The following ITGB5 variants were observed in gnomAD, a reference collection of about 807,000 sequenced individuals.
ITGB5 encodes integrin beta-5.
In ITGB5, 38 loss-of-function variants were observed where a neutral mutation model predicts 84.8. The ratio of observed to expected loss-of-function variants is 0.45; its 90% CI spans 0.35 to 0.59. ITGB5 has a LOEUF of 0.59. Ranked by LOEUF, ITGB5 falls within the 20% of genes least tolerant of loss-of-function variation. The pLI is 0.01. For synonymous variants in ITGB5, 393 were observed against 414.4 expected, an observed-to-expected ratio of 0.95 and a Z score of 0.63; for missense variants, 905 against 1,034.5, an observed-to-expected ratio of 0.87 and a Z score of 1.72.
At chr3:124,800,449 T>C (rs2064298920) in intron 9 of ITGB5, among the ~76,000 whole-genome samples, 1 of 152,180 alleles carries the variant, frequency 6.6e-6, no homozygotes, top group Non-Finnish European at 1.5e-5. Context: ...GTTCTGGCAC[T>C]CAATCACCAG....
intron 3 of ITGB5, among the ~76,000 whole-genome samples, chr3:124,854,690 A>G (rs1454726305): frequency 6.6e-6 from 1 of 152,192 alleles, no homozygotes; most frequent in Non-Finnish European, 1.5e-5. Flanking sequence ...AGTGGTGTTG[A>G]CTGTACAACC....
intron 11 of ITGB5, chr3:124,770,165 G>A (rs1455606817): frequency 1.3e-5 from 2 of 152,258 alleles, no homozygotes; most frequent in Non-Finnish European, 2.9e-5. Flanking sequence ...TCTGGTGGCT[G>A]GGGGATGGGG....
intron 8 of ITGB5, among the ~76,000 whole-genome samples, chr3:124,815,330 C>T (rs1474449872): frequency 1.3e-5 from 2 of 152,220 alleles, no homozygotes; most frequent in Non-Finnish European, 2.9e-5. Context: ...GGGCCTGGGC[C>T]TTCACCAGCC....
At chr3:124,790,723 T>G (rs1337635396) in intron 10 of ITGB5, among the ~76,000 whole-genome samples, 1 of 152,140 alleles carries the variant, frequency 6.6e-6, no homozygotes, top group Non-Finnish European at 1.5e-5. Context: ...TTTTTTTTTT[T>G]GTTTGGGAGA....
chr3:124,813,749 C>T (rs2064541703), intron 8 of ITGB5, among the ~76,000 whole-genome samples: 1 of 152,192 alleles, frequency 6.6e-6, no homozygotes, highest in Non-Finnish European at 1.5e-5. Flanking sequence ...CAAGGCCCTC[C>T]AAATCCAGGC....
intron 4 of ITGB5, 130 bp downstream of exon 4, chr3:124,848,179 C>G: frequency 6.0e-6 from 6 of 997,800 alleles, no homozygotes; most frequent in Non-Finnish European, 9.0e-6. Context: ...TATCATTAAT[C>G]AAATTAAACG....
At chr3:124,801,762 C>A (rs553446822) in intron 9 of ITGB5, among the ~76,000 whole-genome samples, 1 of 152,246 alleles carries the variant, frequency 6.6e-6, no homozygotes, top group East Asian at 1.9e-4. Context: ...ACCCACTTGC[C>A]AAACAATGGC....
chr3:124,765,177 G>C (rs2063749082), intron 13 of ITGB5, among the ~76,000 whole-genome samples: 1 of 152,206 alleles, frequency 6.6e-6, no homozygotes. Context: ...CGATTGAAGA[G>C]AGCAAATCTT....
chr3:124,810,687 G>A (rs2064485696), intron 8 of ITGB5, among the ~76,000 whole-genome samples: 1 of 152,086 alleles, frequency 6.6e-6, no homozygotes, highest in Non-Finnish European at 1.5e-5. Flanking sequence ...GCCAAATGAA[G>A]TAAGTAGCTT....
At chr3:124,875,967 T>C (rs1342280813) in intron 1 of ITGB5, among the ~76,000 whole-genome samples, 1 of 151,912 alleles carries the variant, frequency 6.6e-6, no homozygotes, top group African/African-American at 2.4e-5. Context: ...GAGAGTAAAA[T>C]GGTGGTTGCC....
chr3:124,768,346 C>G (rs2063795335), intron 12 of ITGB5, among the ~76,000 whole-genome samples: 2 of 152,208 alleles, frequency 1.3e-5, no homozygotes, highest in Non-Finnish European at 2.9e-5. Flanking sequence ...TGTAACCATT[C>G]CCACTAATTC....
chr3:124,841,483 A>G lies in ITGB5; in HGVS notation c.680T>C (p.Val227Ala). 1 of 1,614,122 alleles carries G rather than the reference A, an allele frequency of 6.2e-7. No individual in the cohort carries two copies. The highest frequency in any genetic ancestry group is 8.5e-7 in the Non-Finnish European group (1 of 1,180,016). ...CCGAACTTCCTCATTGAAGCTGTCCACTCTGTCTGTGAGAGGCAGCAGATG... is the reference window on the plus strand; with the variant it reads ...CCGAACTTCCTCATTGAAGCTGTCCGCTCTGTCTGTGAGAGGCAGCAGATG... ...FRHLLPLTDRVDSFNEEVRKQ... is the reference protein window; with the variant it reads ...FRHLLPLTDRADSFNEEVRKQ... Residue 227 changes from valine to alanine, a missense_variant, in exon 5 of 15, where the codon GTG (valine) becomes GCG (alanine). This residue lies in a region of ITGB5 where 656 missense variants were observed against 734.7 expected (regional missense o/e 0.89). Transcript: ENST00000296181.
chr3:124,882,292 A>G (rs1464451032), intron 1 of ITGB5, among the ~76,000 whole-genome samples: 1 of 152,254 alleles, frequency 6.6e-6, no homozygotes, highest in African/African-American at 2.4e-5. Flanking sequence ...ATATGTAGTT[A>G]CATTAGATGG....
At chr3:124,866,363 C>A (rs1223872312) in intron 2 of ITGB5, among the ~76,000 whole-genome samples, 2 of 152,212 alleles carry the variant, frequency 1.3e-5, no homozygotes, top group African/African-American at 4.8e-5. Flanking sequence ...TGTCCAGCAT[C>A]ACAGCCAGTG....
intron 5 of ITGB5, among the ~76,000 whole-genome samples, chr3:124,824,254 G>C (rs545774476): frequency 6.6e-6 from 1 of 151,880 alleles, no homozygotes. Context: ...TAGATCAGTG[G>C]ACTGGGATAG....
intron 5 of ITGB5, among the ~76,000 whole-genome samples, chr3:124,833,521 T>C (rs1265334575): frequency 6.6e-6 from 1 of 152,252 alleles, no homozygotes; most frequent in Non-Finnish European, 1.5e-5. Flanking sequence ...TGAGCATTTA[T>C]TGGACAGCCA....
upstream of ITGB5, among the ~76,000 whole-genome samples, chr3:124,888,667 G>A (rs984428153): frequency 1.3e-5 from 2 of 152,218 alleles, no homozygotes; most frequent in African/African-American, 4.8e-5. Flanking sequence ...GGGGTTAACT[G>A]CTGGAGGAAG....
In ITGB5 at chr3:124,790,857, A is replaced by T. The variant is rs115811366; in HGVS notation, c.1693+5531T>A. 4.6e-3 allele frequency among the ~76,000 whole-genome samples: 702 copies of T among 152,278 alleles called. 9 individuals are homozygous for T. Among genetic ancestry groups the T allele is most frequent in the African/African-American group, 0.016 (659 of 41,566 alleles). On this transcript the variant is annotated intron_variant, in intron 10 of 14. Coordinates refer to ENST00000296181, the MANE Select transcript of ITGB5 (RefSeq NM_002213.5). ...GACCTTACTCAGAGGTGCTTTTGAG[A>T]TCTTACAGCCACGAGACCAAAAGGG...
chr3:124,835,315 C>T (rs1324984087), intron 5 of ITGB5, among the ~76,000 whole-genome samples: 1 of 152,196 alleles, frequency 6.6e-6, no homozygotes, highest in East Asian at 1.9e-4. Context: ...CTTGGGATGT[C>T]GCCTCAGAGA....
Sources: allele counts gnomAD v4.1 joint callset (sites outside exome capture counted in the v4.1 genomes callset), GRCh38; gene constraint gnomAD v4.1.1; regional missense constraint gnomAD v4.1.1; transcripts MANE v1.5; gene names NCBI Gene and HGNC (gene_info 2026-07-23, HGNC 2026-07-21).